The following PAK5 variants were observed in gnomAD, a reference collection of about 807,000 sequenced individuals.
PAK5 encodes serine/threonine-protein kinase PAK 5.
Under a neutral mutation model 65.9 loss-of-function variants are expected in PAK5, and 16 were observed. That is an observed-to-expected ratio of 0.24 (90% CI 0.16 to 0.37). The LOEUF is 0.37. PAK5 is among the 10% of genes least tolerant of loss of function. The probability of loss-of-function intolerance (pLI) is 1.00; values close to 1 mark genes in which losing one functional copy is unlikely to be tolerated. For synonymous variants in PAK5, 371 were observed against 354.9 expected (o/e 1.05, Z -0.51); for missense variants, 785 against 903.9 (o/e 0.87, Z 1.69).
At chr20:9,560,000 A>C (rs2045568354) in intron 6 of PAK5, among the ~76,000 whole-genome samples, 1 of 152,214 alleles carries the variant, frequency 6.6e-6, no homozygotes, top group Non-Finnish European at 1.5e-5. Flanking sequence ...CCTTCAAATT[A>C]ATTCAGAACC....
chr20:9,678,816 G>A (rs1315233919), intron 2 of PAK5, among the ~76,000 whole-genome samples: 3 of 151,974 alleles, frequency 2.0e-5, no homozygotes, highest in East Asian at 1.9e-4. Context: ...GGAGGTCACC[G>A]CCCCCATGAT....
chr20:9,567,578 C>T (rs988666002), intron 4 of PAK5, among the ~76,000 whole-genome samples: 1 of 152,184 alleles, frequency 6.6e-6, no homozygotes. Context: ...TTGGATGGCA[C>T]TATTCTAGAT....
chr20:9,805,388 G>T (rs1346677303), intron 1 of PAK5, among the ~76,000 whole-genome samples: 1 of 152,092 alleles, frequency 6.6e-6, no homozygotes, highest in Non-Finnish European at 1.5e-5. Flanking sequence ...CAAGAAAACT[G>T]AAAACTTACG....
intron 2 of PAK5, among the ~76,000 whole-genome samples, chr20:9,696,414 G>T (rs754561960): frequency 7.9e-5 from 12 of 152,018 alleles, no homozygotes; most frequent in Non-Finnish European, 1.5e-4. Flanking sequence ...GTTTTATACA[G>T]TGACATTTAC....
In PAK5 at chr20:9,589,380, G is replaced by A. The variant is rs538641070; in HGVS notation, c.205-8450C>T. Among the ~76,000 whole-genome samples the A allele has an allele frequency of 2.6e-5, 4 of 152,198 alleles. 1 individual carries two copies. The South Asian group carries it at 8.3e-4, about 32-fold the overall frequency. On this transcript the variant is annotated intron_variant, in intron 3 of 9. Coordinates refer to ENST00000353224, the MANE Select transcript of PAK5 (RefSeq NM_177990.4). The stretch of plus-strand genomic sequence containing the variant: ...AGGAAGAAACGGTAACTCTTGTTTG[G>A]ATTTTGTAATATCATTAGATATTTT...
chr20:9,668,326 A>G (rs1243104567), intron 2 of PAK5, among the ~76,000 whole-genome samples: 1 of 151,928 alleles, frequency 6.6e-6, no homozygotes, highest in African/African-American at 2.4e-5. Context: ...GAGTATTTTC[A>G]TTTTTTTTCC....
chr20:9,751,993 A>T (rs1271720897), intron 1 of PAK5, among the ~76,000 whole-genome samples: 3 of 152,128 alleles, frequency 2.0e-5, no homozygotes, highest in African/African-American at 7.2e-5. Flanking sequence ...TGAGATAGAT[A>T]TTGTCTTTGA....
At chr20:9,737,558 T>G in intron 1 of PAK5, among the ~76,000 whole-genome samples, 1 of 152,100 alleles carries the variant, frequency 6.6e-6, no homozygotes, top group Admixed American at 6.6e-5. Context: ...TTTAATGCTA[T>G]CTCAATAACT....
At chr20:9,657,415 G>A (rs2047283056) in intron 2 of PAK5, among the ~76,000 whole-genome samples, 1 of 151,992 alleles carries the variant, frequency 6.6e-6, no homozygotes, top group African/African-American at 2.4e-5. Context: ...TAGTTTGGTT[G>A]TTTCTAGTTT....
chr20:9,667,232 G>A (rs183869553), intron 2 of PAK5, among the ~76,000 whole-genome samples: 12 of 152,186 alleles, frequency 7.9e-5, no homozygotes, highest in South Asian at 2.1e-4. Context: ...AGCTGAGATC[G>A]CACCATTGCA....
At chr20:9,696,144 C>T (rs2047866399) in intron 2 of PAK5, among the ~76,000 whole-genome samples, 1 of 152,022 alleles carries the variant, frequency 6.6e-6, no homozygotes, top group South Asian at 2.1e-4. Context: ...ATACAATGAC[C>T]TCCTTTATAA....
intron 1 of PAK5, among the ~76,000 whole-genome samples, chr20:9,796,941 T>C (rs1328908973): frequency 6.6e-6 from 1 of 152,096 alleles, no homozygotes; most frequent in African/African-American, 2.4e-5. Context: ...TATTTCTAGT[T>C]CTAGATCCCT....
rs113185356 is a variant in PAK5 at position 9,574,592 on chromosome 20, GT to G, written c.990+5552del. On this transcript the variant is annotated intron_variant, in intron 4 of 9. Transcript: ENST00000353224. ...GACAATGCCAGGTTAAATTCATTTT[GT>G]TTTTAATTTGGTAATGGGAAAACCC... Among the ~76,000 whole-genome samples the G allele has an allele frequency of 3.8e-3, 586 of 152,256 alleles. 3 individuals carry two copies. The highest frequency in any genetic ancestry group is 0.014 in the African/African-American group (565 of 41,540).
At chr20:9,616,530 A>G (rs2046659147) in intron 3 of PAK5, among the ~76,000 whole-genome samples, 1 of 152,198 alleles carries the variant, frequency 6.6e-6, no homozygotes, top group Non-Finnish European at 1.5e-5. Flanking sequence ...ACATATATAC[A>G]TCCCCCGGGC....
At chr20:9,787,249 G>A (rs1220954890) in intron 1 of PAK5, among the ~76,000 whole-genome samples, 1 of 152,116 alleles carries the variant, frequency 6.6e-6, no homozygotes, top group African/African-American at 2.4e-5. Context: ...TGCCCTACTT[G>A]TCTCACTTCT....
intron 3 of PAK5, among the ~76,000 whole-genome samples, chr20:9,625,623 A>G (rs1660920153): frequency 6.6e-6 from 1 of 151,976 alleles, no homozygotes; most frequent in African/African-American, 2.4e-5. Flanking sequence ...GCTAGAGTAC[A>G]GTGGCTATTC....
At chr20:9,554,680 C>T (rs1380002403) in intron 7 of PAK5, among the ~76,000 whole-genome samples, 5 of 152,128 alleles carry the variant, frequency 3.3e-5, no homozygotes, top group African/African-American at 7.2e-5. Flanking sequence ...ACACTCTAAG[C>T]CTTTTCTTGG....
intron 2 of PAK5, among the ~76,000 whole-genome samples, chr20:9,688,684 A>T (rs6141006): frequency 0.33 from 49,688 of 151,574 alleles, 9,484 homozygotes; most frequent in African/African-American, 0.53. Flanking sequence ...TGAACACAGG[A>T]TGGGGTGAGG....
chr20:9,648,161 A>G (rs2047157546), intron 2 of PAK5, among the ~76,000 whole-genome samples: 2 of 152,194 alleles, frequency 1.3e-5, no homozygotes, highest in African/African-American at 4.8e-5. Context: ...CTCTGCATAC[A>G]GTCATACTCG....
Sources: allele counts gnomAD v4.1 joint callset (sites outside exome capture counted in the v4.1 genomes callset), GRCh38; gene constraint gnomAD v4.1.1; transcripts MANE v1.5; gene names NCBI Gene and HGNC (gene_info 2026-07-23, HGNC 2026-07-21).